SRGAP1: variants seen among roughly 807,000 people sequenced by gnomAD.
SRGAP1 encodes the protein SLIT-ROBO Rho GTPase-activating protein 1.
In SRGAP1, 43 loss-of-function variants were observed where a neutral mutation model predicts 121.9. The ratio of observed to expected loss-of-function variants is 0.35; its 90% CI spans 0.28 to 0.46. The LOEUF is 0.46. SRGAP1 is among the 20% of genes least tolerant of loss of function. SRGAP1 has a pLI of 1.00. For missense variants in SRGAP1, 1,102 were observed against 1,350.9 expected (o/e 0.82, Z 2.89); for synonymous variants, 447 against 485.4 (o/e 0.92, Z 1.04).
At chr12:63,883,037 A>G (rs568754517) in intron 1 of SRGAP1, among the ~76,000 whole-genome samples, 1 of 152,368 alleles carries the variant, frequency 6.6e-6, no homozygotes, top group South Asian at 2.1e-4. Context: ...ATGTGATTGC[A>G]GTGACAGCCT....
chr12:64,006,010 AG>A (rs1215010391), intron 3 of SRGAP1, among the ~76,000 whole-genome samples: 1 of 152,196 alleles, frequency 6.6e-6, no homozygotes, highest in Non-Finnish European at 1.5e-5. Context: ...TAGTAAGGAA[AG>A]GAACTATAGA....
At chr12:64,059,333 A>G (rs17100060) in intron 6 of SRGAP1, among the ~76,000 whole-genome samples, 17,029 of 152,180 alleles carry the variant, frequency 0.11, 1,121 homozygotes, top group South Asian at 0.31. Flanking sequence ...CTCCAAGTCA[A>G]TCTGGTGGTT....
At chr12:64,032,563 A>C (rs1034529030) in intron 4 of SRGAP1, 1 of 992,310 alleles carries the variant, frequency 1.0e-6, no homozygotes, top group Non-Finnish European at 1.6e-6. Flanking sequence ...GACCAGAGCC[A>C]CGGACCTAGC....
intron 6 of SRGAP1, among the ~76,000 whole-genome samples, chr12:64,059,869 G>T (rs2035413840): frequency 6.6e-6 from 1 of 152,140 alleles, no homozygotes; most frequent in Admixed American, 6.5e-5. Flanking sequence ...ACTGATTGCT[G>T]CATTTCACAA....
At chr12:63,847,778 G>A (rs930013887) in intron 1 of SRGAP1, among the ~76,000 whole-genome samples, 15 of 151,884 alleles carry the variant, frequency 9.9e-5, no homozygotes, top group Non-Finnish European at 1.9e-4. Flanking sequence ...ATACATATTG[G>A]ACTCTATAGG....
At chr12:64,055,433 G>T (rs1185005147) in intron 6 of SRGAP1, among the ~76,000 whole-genome samples, 3 of 151,788 alleles carry the variant, frequency 2.0e-5, no homozygotes, top group Admixed American at 1.3e-4. Flanking sequence ...ACTGCCCAAG[G>T]TAATTTACAG....
intron 14 of SRGAP1, among the ~76,000 whole-genome samples, chr12:64,096,575 G>T (rs1038689713): frequency 6.6e-6 from 1 of 151,988 alleles, no homozygotes; most frequent in Non-Finnish European, 1.5e-5. Flanking sequence ...TTTTAAAGTT[G>T]TTTACCATAA....
intron 1 of SRGAP1, among the ~76,000 whole-genome samples, chr12:63,880,658 G>A (rs1055167674): frequency 5.3e-5 from 8 of 152,168 alleles, no homozygotes; most frequent in Admixed American, 5.2e-4. Flanking sequence ...CTCATAGGGT[G>A]TAGGTATAAG....
Position 64,097,386 on chromosome 12 carries a change from AT to A in SRGAP1, c.1813+18del, listed in dbSNP as rs2036178312. The A allele has an allele frequency of 1.2e-6, 2 of 1,602,220 alleles. No homozygotes were observed. Among genetic ancestry groups the A allele is most frequent in the African/African-American group, 1.4e-5 (1 of 73,810 alleles). On this transcript the variant is annotated intron_variant, in intron 15 of 21. Transcript: ENST00000355086. ...TGATTTCTTGTATCAGTAAGTGGAC[AT>A]TTTTTTCATCTTTTCCCACAAGAAT... is the stretch of plus-strand genomic sequence containing the variant.
chr12:64,141,287 A>AAAAAAG lies in SRGAP1; in HGVS notation c.2881-1005_2881-1004insAAGAAA, dbSNP rs150192768. 1.6e-3 allele frequency among the ~76,000 whole-genome samples: 227 copies of AAAAAAG among 144,674 alleles called. 2 individuals carry two copies. Among genetic ancestry groups the AAAAAAG allele is most frequent in the Middle Eastern group, 7.2e-3 (2 of 276 alleles). The allele number at this position is 144,674 out of a possible 152,430, so 94.9% of individuals were successfully genotyped here. On this transcript the variant is annotated intron_variant, in intron 21 of 21. Coordinates refer to ENST00000355086, the MANE Select transcript of SRGAP1 (RefSeq NM_020762.4). ...TAAAGTATAATAAAAAAAAAAAAAA[A>AAAAAAG]AAAGAAAAACTTGGCCCGGCACGGT...
intron 1 of SRGAP1, among the ~76,000 whole-genome samples, chr12:63,906,222 T>C (rs1282782291): frequency 6.6e-6 from 1 of 152,258 alleles, no homozygotes; most frequent in Admixed American, 6.5e-5. Flanking sequence ...GTTCATTTCT[T>C]TTAATTGCTG....
intron 1 of SRGAP1, among the ~76,000 whole-genome samples, chr12:63,894,926 A>G (rs1900705704): frequency 1.3e-5 from 2 of 151,858 alleles, no homozygotes; most frequent in Admixed American, 1.3e-4. Flanking sequence ...GTGCTGCAAT[A>G]AACACACATG....
At chr12:63,992,660 T>TAC (rs59798383) in intron 3 of SRGAP1, among the ~76,000 whole-genome samples, 2,680 of 138,404 alleles carry the variant, frequency 0.019, 42 homozygotes, top group African/African-American at 0.031. Flanking sequence ...GCACAGTAAA[T>TAC]ACACACACAC....
At chr12:63,974,904 C>T (rs1442021228) in intron 1 of SRGAP1, among the ~76,000 whole-genome samples, 1 of 152,112 alleles carries the variant, frequency 6.6e-6, no homozygotes. Flanking sequence ...TTTATGCAGC[C>T]TCCCAAATCC....
rs1447455054 is a variant in SRGAP1, at chr12:64,091,956, C to T, written c.1539+578C>T. On this transcript the variant is annotated intron_variant, in intron 12 of 21. Coordinates refer to ENST00000355086, the MANE Select transcript of SRGAP1 (RefSeq NM_020762.4). ...AGTGCTAGAGGGACGTGAGGGTGCT[C>T]TTTCACTGTTGGTATCATTTTCAAG... The T allele has an allele frequency of 2.0e-6, 3 of 1,527,436 alleles. 1 individual carries two copies. Among genetic ancestry groups the T allele is most frequent in the African/African-American group, 2.7e-5 (2 of 72,754 alleles). The allele number at this position is 1,527,436 out of a possible 1,614,324, so 94.6% of individuals were successfully genotyped here.
intron 6 of SRGAP1, among the ~76,000 whole-genome samples, chr12:64,052,805 ATCTT>A (rs2035261978): frequency 6.6e-6 from 1 of 152,126 alleles, no homozygotes; most frequent in Non-Finnish European, 1.5e-5. Context: ...GTTCAGAGTA[ATCTT>A]TCTTTACACA....
chr12:64,108,037 A>G (rs1174269698), intron 15 of SRGAP1, among the ~76,000 whole-genome samples: 1 of 152,128 alleles, frequency 6.6e-6, no homozygotes, highest in Non-Finnish European at 1.5e-5. Context: ...CCCAGTTCTC[A>G]TTTTCCTAAT....
intron 4 of SRGAP1, among the ~76,000 whole-genome samples, chr12:64,039,277 T>C (rs1472085498): frequency 6.6e-6 from 1 of 152,336 alleles, no homozygotes; most frequent in African/African-American, 2.4e-5. Context: ...TACTCAGCTA[T>C]TGTGCTGAAC....
At chr12:63,878,719 T>C (rs998845205) in intron 1 of SRGAP1, 2 of 152,230 alleles carry the variant, frequency 1.3e-5, no homozygotes, top group South Asian at 2.1e-4. Context: ...TTGAGTTACA[T>C]TGGAGAGTCC....
Sources: allele counts gnomAD v4.1 joint callset (sites outside exome capture counted in the v4.1 genomes callset), GRCh38; gene constraint gnomAD v4.1.1; transcripts MANE v1.5; gene names NCBI Gene and HGNC (gene_info 2026-07-23, HGNC 2026-07-21).